The following ADI1 variants were observed in gnomAD, a reference collection of about 807,000 sequenced individuals.
The protein encoded by ADI1 is acireductone dioxygenase 1.
ADI1 carries 21 observed loss-of-function variants against 18.7 expected under a neutral mutation model. The ratio of observed to expected loss-of-function variants is 1.13; its 90% CI spans 0.80 to 1.62. ADI1 has a LOEUF of 1.62. Among genes scored for constraint, ADI1 ranks in the 40% most tolerant of loss-of-function variants. ADI1 has a pLI of 0.00. For missense variants in ADI1, 245 were observed against 254.9 expected (o/e 0.96, Z 0.26); for synonymous variants, 90 against 100.1 (o/e 0.90, Z 0.60).
chr2:3,513,788 G>A, intron 2 of ADI1, 69 bp downstream of exon 2: 1 of 1,474,950 alleles, frequency 6.8e-7, no homozygotes, highest in East Asian at 2.4e-5. Flanking sequence ...AAAAAAGAAA[G>A]AAAATATTGC....
rs1434517055 is a variant in ADI1, at chr2:3,500,883, G to C, written c.351C>G (p.Ile117Met). The C allele has an allele frequency of 1.9e-6, 3 of 1,614,110 alleles. No individual in the cohort carries two copies. In the South Asian group the frequency reaches 3.3e-5, roughly 18 times the overall value. ...VRDKEDQWIR[I>M]FMEKGDMVTL... ...TCACCATGTCTCCCTTCTCCATGAAGATCCGGATCCACTGGTCCTCCTTGT... is the reference window on the plus strand; with the variant it reads ...TCACCATGTCTCCCTTCTCCATGAACATCCGGATCCACTGGTCCTCCTTGT... Residue 117 changes from isoleucine (I) to methionine (M), a missense_variant, in exon 3 of 4, where the codon ATC (isoleucine) becomes ATG (methionine). Physicochemically the swap from Ile to Met is conservative, Grantham distance 10. Transcript: ENST00000327435.
chr2:3,509,584 C>G (rs1429323869), intron 2 of ADI1, among the ~76,000 whole-genome samples: 1 of 151,924 alleles, frequency 6.6e-6, no homozygotes, highest in Non-Finnish European at 1.5e-5. Flanking sequence ...AACATCCACA[C>G]AAGTCAAAGA....
chr2:3,518,852 G>A (rs1438375242), intron 1 of ADI1, among the ~76,000 whole-genome samples: 1 of 152,206 alleles, frequency 6.6e-6, no homozygotes, highest in South Asian at 2.1e-4. Context: ...AGCCCTGCCG[G>A]CCGACCCTTC....
intron 1 of ADI1, chr2:3,514,883 C>A (rs942337621): frequency 3.9e-6 from 6 of 1,542,760 alleles, no homozygotes; most frequent in African/African-American, 1.4e-5. Flanking sequence ...GGCAGAGGAA[C>A]ATAAGTTTTG....
intron 2 of ADI1, among the ~76,000 whole-genome samples, chr2:3,511,870 G>C (rs1667301816): frequency 6.6e-6 from 1 of 152,210 alleles, no homozygotes; most frequent in Non-Finnish European, 1.5e-5. Flanking sequence ...TCGGGAACTG[G>C]AACAAACATC....
chr2:3,499,103 C>T, intron 3 of ADI1, 21 bp from the exon 4 acceptor site: 2 of 1,608,538 alleles, frequency 1.2e-6, no homozygotes, highest in Non-Finnish European at 8.5e-7. Context: ...GACAAACACA[C>T]CCAGCATCTC....
chr2:3,516,652 T>C (rs1360199498), intron 1 of ADI1: 1 of 851,664 alleles, frequency 1.2e-6, no homozygotes, highest in East Asian at 1.2e-4. Flanking sequence ...ATAAGAATTC[T>C]ATAAATTGCT....
At chr2:3,516,917 T>A in intron 1 of ADI1, 1 of 985,214 alleles carries the variant, frequency 1.0e-6, no homozygotes, top group African/African-American at 1.7e-5. Context: ...GGCTTTTTTG[T>A]TTTTTGGGTT....
rs1302638199 is a variant in ADI1 at position 3,519,421 on chromosome 2, CG to C, written c.66del (p.Gly23AlafsTer30). 7.2e-7 allele frequency: 1 copy of C among 1,380,300 alleles called. No individual in the cohort carries two copies. Among genetic ancestry groups the C allele is most frequent in the Non-Finnish European group, 9.3e-7 (1 of 1,074,232 alleles). The allele number at this position is 1,380,300 out of a possible 1,614,324, so 85.5% of individuals were successfully genotyped here. ...GDPRQPHRPD[P>X]GRPVGLEQLR... ...AGCTGCTCCAGGCCCACTGGGCGGC[CG>C]GGGTCGGGGCGGTGGGGTTGCCGCG... On this transcript the variant is annotated frameshift_variant, in exon 1 of 4. Coordinates refer to ENST00000327435, the MANE Select transcript of ADI1 (RefSeq NM_018269.4). LOFTEE classifies it high-confidence loss of function.
At chr2:3,500,568 G>T in intron 3 of ADI1, 1 of 589,686 alleles carries the variant, frequency 1.7e-6, no homozygotes. Flanking sequence ...TGCCCCGCCT[G>T]GGTATGAAAT....
intron 1 of ADI1, among the ~76,000 whole-genome samples, chr2:3,518,984 C>A (rs1667493378): frequency 6.6e-6 from 1 of 152,168 alleles, no homozygotes; most frequent in Non-Finnish European, 1.5e-5. Context: ...GGACCGCCGA[C>A]CCCCACCAGC....
Position 3,508,051 on chromosome 2 carries a change from T to C in ADI1, c.240+5806A>G, listed in dbSNP as rs533485643. Among the ~76,000 whole-genome samples, 16 of 151,918 alleles carry C rather than the reference T, an allele frequency of 1.1e-4. No homozygotes were observed. In the South Asian group the frequency reaches 3.1e-3, roughly 30 times the overall value. The stretch of plus-strand genomic sequence containing the variant: ...AGAGGGGAATATTTAAAAACAACAA[T>C]AGGCCGGGCACGGTGGCTCACATCT... On this transcript the variant is annotated intron_variant, in intron 2 of 3. Coordinates refer to ENST00000327435, the MANE Select transcript of ADI1 (RefSeq NM_018269.4).
intron 3 of ADI1, chr2:3,500,533 G>A (rs1270525027): frequency 9.1e-5 from 17 of 187,414 alleles, no homozygotes; most frequent in Non-Finnish European, 1.2e-4. Context: ...ACCTGCCGCC[G>A]CATGTACCTG....
intron 2 of ADI1, among the ~76,000 whole-genome samples, chr2:3,502,625 T>C (rs1667049041): frequency 6.6e-6 from 1 of 152,078 alleles, no homozygotes; most frequent in African/African-American, 2.4e-5. Context: ...TAATTTTATA[T>C]TTTTAGTAGA....
chr2:3,499,886 G>A (rs1283355148), intron 3 of ADI1, among the ~76,000 whole-genome samples: 6 of 152,040 alleles, frequency 3.9e-5, no homozygotes, highest in Non-Finnish European at 7.4e-5. Context: ...CCAACATGGT[G>A]AAACCCCGTC....
Position 3,513,930 on chromosome 2 carries a change from C to T in ADI1, c.167G>A (p.Arg56Gln), listed in dbSNP as rs774498045. The T allele has an allele frequency of 1.1e-5, 17 of 1,612,038 alleles. No homozygotes were observed. The highest frequency in any genetic ancestry group is 4.0e-5 in the African/African-American group (3 of 74,786). ...YENDPELEKIRRERNYSWMDI... is the reference protein window; with the variant it reads ...YENDPELEKIQRERNYSWMDI... ...CATCCAGGAGTAGTTCCTCTCTCTT[C>T]GGATCTTTTCTAATTCTGGATCATT... Residue 56 changes from arginine to glutamine, a missense_variant, in exon 2 of 4, where the codon CGA becomes CAA. Physicochemically the swap from Arg to Gln is conservative, Grantham distance 43 (BLOSUM62 1). Transcript: ENST00000327435.
chr2:3,499,281 G>A (rs947762011), intron 3 of ADI1, among the ~76,000 whole-genome samples, 199 bp from the exon 4 acceptor site: 1 of 152,372 alleles, frequency 6.6e-6, no homozygotes, highest in East Asian at 1.9e-4. Context: ...GGCCCTGCCT[G>A]TCCTCACGTG....
At chr2:3,518,488 C>G (rs868440010) in intron 1 of ADI1, among the ~76,000 whole-genome samples, 1 of 152,232 alleles carries the variant, frequency 6.6e-6, no homozygotes. Context: ...TGGACTGGTG[C>G]TGTGCAAGCA....
chr2:3,509,900 T>C (rs1487617141), intron 2 of ADI1, among the ~76,000 whole-genome samples: 1 of 151,702 alleles, frequency 6.6e-6, no homozygotes, highest in East Asian at 1.9e-4. Context: ...TCCCAGCACT[T>C]TGGGAGGCCA....
Sources: allele counts gnomAD v4.1 joint callset (sites outside exome capture counted in the v4.1 genomes callset), GRCh38; gene constraint gnomAD v4.1.1; transcripts MANE v1.5; gene names NCBI Gene and HGNC (gene_info 2026-07-23, HGNC 2026-07-21).